Variants in FAM20C observed in about 807,000 individuals in gnomAD.
FAM20C encodes extracellular serine/threonine protein kinase FAM20C.
FAM20C carries 40 observed loss-of-function variants against 51.5 expected under a neutral mutation model. That is an observed-to-expected ratio of 0.78 (90% CI 0.60 to 1.01). The LOEUF (loss-of-function observed/expected upper bound fraction) is 1.01, where lower values mean the gene tolerates loss of function less well. Among genes scored for constraint, FAM20C ranks in the 50% least tolerant of loss-of-function variants. FAM20C has a pLI of 0.00. For synonymous variants in FAM20C, 406 were observed against 380.6 expected (o/e 1.07, Z -0.78); for missense variants, 861 against 844.7 (o/e 1.02, Z -0.24).
chr7:260,082 G>C lies in FAM20C; in HGVS notation c.*102G>C. The C allele has an allele frequency of 2.2e-6, 3 of 1,389,454 alleles. No homozygotes were observed. Among genetic ancestry groups the C allele is most frequent in the Non-Finnish European group, 2.8e-6 (3 of 1,065,256 alleles). The allele number at this position is 1,389,454 out of a possible 1,614,324, so 86.1% of individuals were successfully genotyped here. ...AATTCAGTGAATTCAGAGGCAGGAC[G>C]GGATCATCCGGAGTCGGGAGCTGCT... is the stretch of plus-strand genomic sequence containing the variant. On this transcript the variant is annotated 3_prime_UTR_variant, in exon 10 of 10. Transcript: ENST00000313766.
chr7:220,524 G>T (rs56118670), intron 3 of FAM20C, among the ~76,000 whole-genome samples: 49,124 of 152,084 alleles, frequency 0.32, 8,086 homozygotes, highest in East Asian at 0.51. Flanking sequence ...AGGGGGCGTT[G>T]TTCCACTGAC....
intron 2 of FAM20C, among the ~76,000 whole-genome samples, chr7:199,249 A>G (rs1435188966): frequency 6.6e-6 from 1 of 152,216 alleles, no homozygotes; most frequent in Non-Finnish European, 1.5e-5. Context: ...GCTGCTTGAG[A>G]TAGCAGCCTC....
chr7:208,566 G>A (rs765220969), intron 2 of FAM20C, among the ~76,000 whole-genome samples: 2 of 117,338 alleles, frequency 1.7e-5, no homozygotes, highest in Non-Finnish European at 3.9e-5. Context: ...GGGTGTGGGT[G>A]TGTACATGGC....
In FAM20C at chr7:193,436, C is replaced by G. The variant is rs556779335; in HGVS notation, c.237C>G (p.Asp79Glu). The change falls in exon 1 of 10, where the codon GAC (aspartate) becomes GAG (glutamate). Residue 79 changes from aspartate (D) to glutamate (E), a missense_variant. Around this residue, in one of 3 missense-constraint regions of FAM20C, gnomAD observed 561 missense variants for 499.8 expected, o/e 1.12. Coordinates refer to ENST00000313766, the MANE Select transcript of FAM20C (RefSeq NM_020223.4). ...EPPAASSAAG[D>E]AGWPNKHTLR... ...CGGCCGCCTCCTCCGCCGCCGGCGA[C>G]GCGGGCTGGCCCAACAAGCACACGC... is the stretch of plus-strand genomic sequence containing the variant. The G allele has an allele frequency of 1.5e-5, 21 of 1,424,636 alleles. No individual in the cohort carries two copies. Among genetic ancestry groups the G allele is most frequent in the Admixed American group, 2.5e-5 (1 of 40,520 alleles). 88.2% of individuals were successfully genotyped at this position (1,424,636 alleles called of 1,614,324 possible). A position where few individuals can be genotyped will look rare whatever the true frequency, so the allele number is the denominator to read the frequency against.
rs150951154 is a variant in FAM20C, at chr7:230,397, G to A, written c.864-16018G>A. 7.9e-3 allele frequency among the ~76,000 whole-genome samples: 1,049 copies of A among 133,526 alleles called. 9 individuals carry two copies. The highest frequency in any genetic ancestry group is 0.077 in the Middle Eastern group (17 of 222). 87.6% of individuals were successfully genotyped at this position (133,526 alleles called of 152,430 possible). ...TGGGGGGGGGGGGGAACAGATCCCC[G>A]TGGCTTAAAGTGCCCCTGTCTGTGG... On this transcript the variant is annotated intron_variant, in intron 3 of 9. Transcript: ENST00000313766.
intron 3 of FAM20C, among the ~76,000 whole-genome samples, chr7:212,586 G>A (rs948112970): frequency 8.1e-4 from 124 of 152,272 alleles, no homozygotes; most frequent in Non-Finnish European, 3.7e-4. Context: ...CTAGATGTGC[G>A]GTGAGAGGGT....
At chr7:224,182 C>CAACCTGGGTTTCACTGAGTTCCAT in intron 3 of FAM20C, among the ~76,000 whole-genome samples, 1 of 134,592 alleles carries the variant, frequency 7.4e-6, no homozygotes, top group African/African-American at 3.0e-5. Context: ...CGGAGCAGAA[C>CAACCTGGGTTTCACTGAGTTCCAT]GGCACCGTCA....
chr7:227,108 A>C (rs568789052), intron 3 of FAM20C, among the ~76,000 whole-genome samples: 9 of 150,880 alleles, frequency 6.0e-5, no homozygotes, highest in Non-Finnish European at 1.2e-4. Flanking sequence ...CATTTGTTGA[A>C]AATCAAGGAA....
At chr7:224,066 C>T (rs1340018199) in intron 3 of FAM20C, among the ~76,000 whole-genome samples, 3 of 137,212 alleles carry the variant, frequency 2.2e-5, no homozygotes, top group Non-Finnish European at 3.3e-5. Context: ...CGCAGAATGG[C>T]ACCGTCACAG....
At chr7:251,236 C>CG (rs1788391862) in intron 5 of FAM20C, among the ~76,000 whole-genome samples, 3 of 127,664 alleles carry the variant, frequency 2.3e-5, no homozygotes, top group Admixed American at 1.4e-4. Context: ...CGGCGGCTCA[C>CG]GCCTGCACTG....
chr7:230,748 ACC>A (rs1787637536), intron 3 of FAM20C, among the ~76,000 whole-genome samples: 2 of 43,064 alleles, frequency 4.6e-5, no homozygotes, highest in Non-Finnish European at 2.1e-4. Context: ...ACTGAATAAT[ACC>A]TATTGGTAAA....
chr7:249,306 C>T (rs1788303820), intron 5 of FAM20C, among the ~76,000 whole-genome samples: 1 of 152,252 alleles, frequency 6.6e-6, no homozygotes, highest in Admixed American at 6.5e-5. Flanking sequence ...TGAGGGGATA[C>T]AGGATGGCCT....
rs1257411675 is a variant in FAM20C, at chr7:195,237, C to G, written c.606-317C>G. 37 of 288,240 alleles carry G rather than the reference C, an allele frequency of 1.3e-4. No individual in the cohort carries two copies. In the East Asian group the frequency reaches 2.1e-3, roughly 16 times the overall value. 17.9% of individuals were successfully genotyped at this position (288,240 alleles called of 1,614,324 possible). ...TCATGGTTGGGCCATTTCGGTGACC[C>G]TGGGACAGACGTGGCGGGGATGGCA... On this transcript the variant is annotated intron_variant, in intron 1 of 9. Coordinates refer to ENST00000313766, the MANE Select transcript of FAM20C (RefSeq NM_020223.4).
chr7:247,582 A>G (rs149042884), intron 4 of FAM20C, among the ~76,000 whole-genome samples: 3,490 of 152,296 alleles, frequency 0.023, 115 homozygotes, highest in African/African-American at 0.08. Context: ...TTAAAGATCA[A>G]AGTCTTCTGT....
intron 5 of FAM20C, among the ~76,000 whole-genome samples, chr7:249,121 G>T (rs954785177): frequency 2.6e-5 from 4 of 152,262 alleles, no homozygotes; most frequent in Non-Finnish European, 5.9e-5. Flanking sequence ...GCCTCTCCAG[G>T]AAGCCTTCTC....
chr7:224,021 C>T lies in FAM20C; in HGVS notation c.863+15045C>T, dbSNP rs546657643. 3.0e-4 allele frequency among the ~76,000 whole-genome samples: 45 copies of T among 149,880 alleles called. 1 individual carries two copies. The highest frequency in any genetic ancestry group is 1.0e-3 in the African/African-American group (41 of 39,742). ...GGCCCGCCAGCACCATCACGGGGGTCGCACGGCGGCTGTCCCCTGAGCCTT... is the reference window on the plus strand; with the variant it reads ...GGCCCGCCAGCACCATCACGGGGGTTGCACGGCGGCTGTCCCCTGAGCCTT... On this transcript the variant is annotated intron_variant, in intron 3 of 9. Coordinates refer to ENST00000313766, the MANE Select transcript of FAM20C (RefSeq NM_020223.4).
At chr7:245,680 G>A (rs918717686) in intron 3 of FAM20C, among the ~76,000 whole-genome samples, 3 of 152,214 alleles carry the variant, frequency 2.0e-5, no homozygotes, top group African/African-American at 4.8e-5. Flanking sequence ...TGACCACATC[G>A]GTCAAACACT....
Position 213,191 on chromosome 7 carries a change from G to T in FAM20C, c.863+4215G>T, listed in dbSNP as rs541002252. ...TGGTCCTTTGTGAGTGACATGGACG[G>T]CTGTGGAGTTGTGCAGTGTGTAGTC... is the stretch of plus-strand genomic sequence containing the variant. On this transcript the variant is annotated intron_variant, in intron 3 of 9. Transcript: ENST00000313766. 3.7e-5 allele frequency among the ~76,000 whole-genome samples: 5 copies of T among 135,956 alleles called. No homozygotes were observed. The South Asian group carries it at 1.3e-3, about 36-fold the overall frequency. 89.2% of individuals were successfully genotyped at this position (135,956 alleles called of 152,430 possible).
At chr7:212,617 G>A (rs892372984) in intron 3 of FAM20C, among the ~76,000 whole-genome samples, 1 of 151,868 alleles carries the variant, frequency 6.6e-6, no homozygotes. Flanking sequence ...GGCCGGCGGT[G>A]AGGTGGGGGC....
Sources: allele counts gnomAD v4.1 joint callset (sites outside exome capture counted in the v4.1 genomes callset), GRCh38; gene constraint gnomAD v4.1.1; regional missense constraint gnomAD v4.1.1; transcripts MANE v1.5; gene names NCBI Gene and HGNC (gene_info 2026-07-23, HGNC 2026-07-21).